LHFPL3: variants seen among roughly 807,000 people sequenced by gnomAD.
LHFPL3 encodes LHFPL tetraspan subfamily member 3 protein.
LHFPL3 carries 5 observed loss-of-function variants against 19.3 expected under a neutral mutation model. That is an observed-to-expected ratio of 0.26 (90% CI 0.14 to 0.54). The LOEUF is 0.54. Ranked by LOEUF, LHFPL3 falls within the 20% of genes least tolerant of loss-of-function variation. LHFPL3 has a pLI of 0.94. For missense variants in LHFPL3, 249 were observed against 307.4 expected (o/e 0.81, Z 1.42); for synonymous variants, 133 against 126.2 (o/e 1.05, Z -0.36).
At chr7:104,523,503 C>G (rs1336011055) in intron 1 of LHFPL3, among the ~76,000 whole-genome samples, 1 of 152,192 alleles carries the variant, frequency 6.6e-6, no homozygotes, top group African/African-American at 2.4e-5. Context: ...GACTCATTAA[C>G]CAAAGCTGAT....
At chr7:104,402,099 A>C (rs866555390) in intron 1 of LHFPL3, among the ~76,000 whole-genome samples, 3 of 151,320 alleles carry the variant, frequency 2.0e-5, no homozygotes, top group Non-Finnish European at 2.9e-5. Flanking sequence ...AAAAAAAAAA[A>C]AACAAAAAAC....
intron 1 of LHFPL3, among the ~76,000 whole-genome samples, chr7:104,531,495 G>C (rs1235649271): frequency 6.6e-6 from 1 of 152,164 alleles, no homozygotes; most frequent in Non-Finnish European, 1.5e-5. Context: ...GCCTTGAAAT[G>C]AGAGTGACTT....
At chr7:104,760,722 G>C (rs1263508642) in intron 2 of LHFPL3, among the ~76,000 whole-genome samples, 1 of 152,132 alleles carries the variant, frequency 6.6e-6, no homozygotes, top group Non-Finnish European at 1.5e-5. Context: ...CTATGCTCAA[G>C]AAGTGAGCAA....
intron 1 of LHFPL3, among the ~76,000 whole-genome samples, chr7:104,466,852 G>T (rs1214720382): frequency 6.6e-6 from 1 of 152,170 alleles, no homozygotes; most frequent in Non-Finnish European, 1.5e-5. Context: ...AGCATCTGCG[G>T]TAAGAGTTCT....
intron 1 of LHFPL3, among the ~76,000 whole-genome samples, chr7:104,440,412 C>T (rs1407152912): frequency 1.4e-5 from 2 of 138,426 alleles, no homozygotes; most frequent in African/African-American, 5.3e-5. Flanking sequence ...CGGGGCCTGT[C>T]GTGGGGTGGG....
chr7:104,669,177 A>G, intron 1 of LHFPL3: 2 of 1,613,636 alleles, frequency 1.2e-6, no homozygotes. Flanking sequence ...CCCCTCCACC[A>G]AAGGAGAATG....
chr7:104,803,416 G>A (rs763660925), intron 2 of LHFPL3: 19 of 152,234 alleles, frequency 1.2e-4, no homozygotes, highest in African/African-American at 3.1e-4. Context: ...TAGCCTTTAC[G>A]ACATTTTATC....
In LHFPL3 at chr7:104,603,252, G is replaced by C. The variant is rs541648433; in HGVS notation, c.446-133423G>C. Among the ~76,000 whole-genome samples, 6 of 150,428 alleles carry C rather than the reference G, an allele frequency of 4.0e-5. No homozygotes were observed. The East Asian group carries it at 1.2e-3, about 29-fold the overall frequency. On this transcript the variant is annotated intron_variant, in intron 1 of 2. Coordinates refer to ENST00000424859, the MANE Select transcript of LHFPL3 (RefSeq NM_199000.3). ...GCTTTGTTGCCCCAGCTGGAGTACA[G>C]TGACACAATCACAGCTCACTGCAGC...
rs1040728618 is a variant in LHFPL3, at chr7:104,378,496, T to C, written c.445+49272T>C. ...TTTGAGCTATTATGAATAAAGCTGC[T>C]GTGAGTACTCATGTACAGGTCTTTC... On this transcript the variant is annotated intron_variant, in intron 1 of 2. Transcript: ENST00000424859. 2.0e-5 allele frequency among the ~76,000 whole-genome samples: 3 copies of C among 152,368 alleles called. 1 individual carries two copies. Among genetic ancestry groups the C allele is most frequent in the African/African-American group, 7.2e-5 (3 of 41,580 alleles).
At chr7:104,331,025 A>T (rs922585466) in intron 1 of LHFPL3, among the ~76,000 whole-genome samples, 5 of 152,172 alleles carry the variant, frequency 3.3e-5, no homozygotes, top group African/African-American at 1.2e-4. Flanking sequence ...TTTCTCAACA[A>T]CGTATTCTTC....
chr7:104,799,711 A>T (rs1790203890), intron 2 of LHFPL3: 1 of 152,056 alleles, frequency 6.6e-6, no homozygotes, highest in South Asian at 2.1e-4. Context: ...TGCAGAAACA[A>T]CTCCTGCTGG....
At chr7:104,455,420 A>G (rs1441005447) in intron 1 of LHFPL3, among the ~76,000 whole-genome samples, 2 of 152,194 alleles carry the variant, frequency 1.3e-5, no homozygotes, top group South Asian at 2.1e-4. Flanking sequence ...TCAATTCTAT[A>G]TGTTTAATAG....
At chr7:104,540,927 C>G (rs911269687) in intron 1 of LHFPL3, among the ~76,000 whole-genome samples, 1 of 152,144 alleles carries the variant, frequency 6.6e-6, no homozygotes, top group Non-Finnish European at 1.5e-5. Context: ...TTACTAAATG[C>G]AACGAACTCT....
chr7:104,827,331 A>C (rs796259228), intron 2 of LHFPL3, among the ~76,000 whole-genome samples: 1 of 152,020 alleles, frequency 6.6e-6, no homozygotes, highest in South Asian at 2.1e-4. Context: ...TTTAACTGCA[A>C]TTTGGTTAAA....
intron 1 of LHFPL3, among the ~76,000 whole-genome samples, chr7:104,735,322 C>A (rs1793788765): frequency 6.6e-6 from 1 of 152,250 alleles, no homozygotes; most frequent in Non-Finnish European, 1.5e-5. Flanking sequence ...GAGGTGAAGT[C>A]TACAGAGGCA....
At chr7:104,409,304 C>CTG (rs59285167) in intron 1 of LHFPL3, among the ~76,000 whole-genome samples, 4,237 of 148,874 alleles carry the variant, frequency 0.028, 77 homozygotes, top group Non-Finnish European at 0.043. Context: ...CTTATGTGTG[C>CTG]TGTGTGTGTG....
intron 1 of LHFPL3, among the ~76,000 whole-genome samples, chr7:104,434,892 A>G (rs1454730097): frequency 6.6e-6 from 1 of 152,180 alleles, no homozygotes; most frequent in African/African-American, 2.4e-5. Context: ...TTTTTCATGT[A>G]GATATTAACA....
chr7:104,688,347 A>G (rs562722944), intron 1 of LHFPL3, among the ~76,000 whole-genome samples: 4 of 152,280 alleles, frequency 2.6e-5, no homozygotes, highest in Non-Finnish European at 5.9e-5. Context: ...GAAATTGCGG[A>G]AAATCAGACA....
At chr7:104,553,170 A>G (rs114500713) in intron 1 of LHFPL3, among the ~76,000 whole-genome samples, 1 of 152,306 alleles carries the variant, frequency 6.6e-6, no homozygotes, top group African/African-American at 2.4e-5. Context: ...ATCTAAAATA[A>G]GAATGCAGAT....
Sources: allele counts gnomAD v4.1 joint callset (sites outside exome capture counted in the v4.1 genomes callset), GRCh38; gene constraint gnomAD v4.1.1; transcripts MANE v1.5; gene names NCBI Gene and HGNC (gene_info 2026-07-23, HGNC 2026-07-21).